The following DPF3 variants were observed in gnomAD, a reference collection of about 807,000 sequenced individuals.
DPF3 encodes double PHD fingers 3, also known as zinc finger protein DPF3.
Under a neutral mutation model 56.8 loss-of-function variants are expected in DPF3, and 18 were observed. The ratio of observed to expected loss-of-function variants is 0.32; its 90% CI spans 0.22 to 0.47. DPF3 has a LOEUF of 0.47. Among genes scored for constraint, DPF3 ranks in the 20% least tolerant of loss-of-function variants. The pLI, the probability that DPF3 is intolerant of heterozygous loss-of-function variation, is 1.00. For synonymous variants in DPF3, 188 were observed against 180.2 expected (o/e 1.04, Z -0.35); for missense variants, 403 against 488.8 (o/e 0.82, Z 1.65).
chr14:72,862,339 C>G (rs958551730), intron 1 of DPF3, among the ~76,000 whole-genome samples: 1 of 152,152 alleles, frequency 6.6e-6, no homozygotes, highest in East Asian at 1.9e-4. Context: ...ACCATCACAA[C>G]AATCCACCGT....
chr14:72,632,427 G>C (rs986927852), intron 8 of DPF3, among the ~76,000 whole-genome samples: 1 of 152,062 alleles, frequency 6.6e-6, no homozygotes, highest in Non-Finnish European at 1.5e-5. Flanking sequence ...ACTGAGTGAC[G>C]AGCTCAAGGA....
intron 8 of DPF3, among the ~76,000 whole-genome samples, chr14:72,651,224 T>A (rs1443187607): frequency 6.6e-6 from 1 of 152,306 alleles, no homozygotes; most frequent in Middle Eastern, 3.4e-3. Flanking sequence ...GGGTCTGGAA[T>A]CTTGGCATCG....
intron 1 of DPF3, among the ~76,000 whole-genome samples, chr14:72,788,323 A>T (rs1333811130): frequency 1.3e-5 from 2 of 152,248 alleles, no homozygotes; most frequent in East Asian, 1.9e-4. Context: ...AGAAAGATCC[A>T]GAAGAACTCA....
intron 1 of DPF3, among the ~76,000 whole-genome samples, chr14:72,776,602 A>G (rs1891752558): frequency 6.6e-6 from 1 of 152,126 alleles, no homozygotes; most frequent in Non-Finnish European, 1.5e-5. Flanking sequence ...TTCAGAGCCC[A>G]TCAATCACAA....
chr14:72,877,091 C>G (rs1156333483), intron 1 of DPF3, among the ~76,000 whole-genome samples: 1 of 152,162 alleles, frequency 6.6e-6, no homozygotes, highest in Non-Finnish European at 1.5e-5. Flanking sequence ...AAGGAGGGGA[C>G]AGGGATCAGA....
chr14:72,822,084 G>T (rs1004304765), intron 1 of DPF3, among the ~76,000 whole-genome samples: 2 of 152,174 alleles, frequency 1.3e-5, no homozygotes, highest in African/African-American at 4.8e-5. Flanking sequence ...AAACAGGCCA[G>T]ATCTAATCTA....
chr14:72,655,048 C>T (rs1223718934), intron 8 of DPF3, among the ~76,000 whole-genome samples: 1 of 152,150 alleles, frequency 6.6e-6, no homozygotes, highest in African/African-American at 2.4e-5. Flanking sequence ...CACAAATGTT[C>T]ATGCTGGCAA....
intron 4 of DPF3, among the ~76,000 whole-genome samples, chr14:72,727,703 T>C (rs890985009): frequency 2.6e-5 from 4 of 152,188 alleles, no homozygotes; most frequent in Non-Finnish European, 5.9e-5. Flanking sequence ...GTTTCCTGCC[T>C]GTGTGTCACA....
chr14:72,822,628 C>T (rs1276484981), intron 1 of DPF3, among the ~76,000 whole-genome samples: 2 of 152,094 alleles, frequency 1.3e-5, no homozygotes, highest in Non-Finnish European at 2.9e-5. Flanking sequence ...TTACTTTTTG[C>T]TCTCAATTAC....
At chr14:72,773,180 T>G (rs1410862783) in intron 1 of DPF3, among the ~76,000 whole-genome samples, 1 of 149,662 alleles carries the variant, frequency 6.7e-6, no homozygotes, top group Non-Finnish European at 1.5e-5. Flanking sequence ...TCGCCCAGGC[T>G]GGAGTGCAAC....
At chr14:72,685,311 C>T (rs952888325) in intron 7 of DPF3, among the ~76,000 whole-genome samples, 3 of 152,188 alleles carry the variant, frequency 2.0e-5, no homozygotes, top group Non-Finnish European at 4.4e-5. Flanking sequence ...AACTCAAGCC[C>T]ATTCACATCT....
intron 7 of DPF3, among the ~76,000 whole-genome samples, chr14:72,687,609 A>G (rs145853001): frequency 3.0e-4 from 46 of 152,202 alleles, no homozygotes; most frequent in African/African-American, 1.1e-3. Context: ...AAGACTTCCA[A>G]TTGTCTGAAT....
At chr14:72,799,886 T>G (rs963992098) in intron 1 of DPF3, among the ~76,000 whole-genome samples, 5 of 151,992 alleles carry the variant, frequency 3.3e-5, no homozygotes, top group Non-Finnish European at 5.9e-5. Flanking sequence ...AAGTGGAGTT[T>G]AGAGATGAAG....
At chr14:72,768,566 G>A (rs980704613) in intron 2 of DPF3, among the ~76,000 whole-genome samples, 1 of 151,862 alleles carries the variant, frequency 6.6e-6, no homozygotes, top group Non-Finnish European at 1.5e-5. Context: ...AGAAGATAGG[G>A]GATCTCTATT....
intron 8 of DPF3, among the ~76,000 whole-genome samples, chr14:72,640,398 T>G (rs1407010236): frequency 6.6e-6 from 1 of 152,188 alleles, no homozygotes; most frequent in Non-Finnish European, 1.5e-5. Flanking sequence ...GACCAGTCAC[T>G]AAATCCATCT....
chr14:72,648,420 G>A (rs917877641), intron 8 of DPF3, among the ~76,000 whole-genome samples: 1 of 151,980 alleles, frequency 6.6e-6, no homozygotes, highest in African/African-American at 2.4e-5. Context: ...AATTAGCCAG[G>A]TGTGGTTGTG....
intron 8 of DPF3, chr14:72,671,131 T>C: frequency 6.2e-7 from 1 of 1,613,844 alleles, no homozygotes; most frequent in Non-Finnish European, 8.5e-7. Flanking sequence ...GTCTGTTCCG[T>C]GGGTTTAGCA....
At chr14:72,797,744 C>T (rs147424291) in intron 1 of DPF3, among the ~76,000 whole-genome samples, 64 of 152,284 alleles carry the variant, frequency 4.2e-4, no homozygotes, top group African/African-American at 1.4e-3. Flanking sequence ...GAACATACAA[C>T]GTAGGATGTG....
At chr14:72,876,152 T>C (rs1886105200) in intron 1 of DPF3, among the ~76,000 whole-genome samples, 1 of 152,226 alleles carries the variant, frequency 6.6e-6, no homozygotes, top group South Asian at 2.1e-4. Context: ...TGCCCACAAG[T>C]CTGCCCAGCG....
Sources: allele counts gnomAD v4.1 joint callset (sites outside exome capture counted in the v4.1 genomes callset), GRCh38; gene constraint gnomAD v4.1.1; transcripts MANE v1.5; gene names NCBI Gene and HGNC (gene_info 2026-07-23, HGNC 2026-07-21).